Variants in UPRT observed in about 807,000 individuals in gnomAD.
The protein encoded by UPRT is RP11-311P8.3.
UPRT carries 5 observed loss-of-function variants against 22.6 expected under a neutral mutation model. The ratio of observed to expected loss-of-function variants is 0.22; its 90% CI spans 0.12 to 0.47. UPRT has a LOEUF of 0.47. Among genes scored for constraint, UPRT ranks in the 20% least tolerant of loss-of-function variants. UPRT has a pLI of 0.99. For synonymous variants in UPRT, 77 were observed against 87.7 expected, an observed-to-expected ratio of 0.88 and a Z score of 0.68; for missense variants, 181 against 239.9, an observed-to-expected ratio of 0.75 and a Z score of 1.62.
chrX:75,301,245 T>G (rs746463768), intron 6 of UPRT, among the ~76,000 whole-genome samples: 1 of 112,249 alleles, frequency 8.9e-6, no homozygotes, highest in African/African-American at 3.2e-5. Flanking sequence ...CAAAGGTTCC[T>G]ATTTCCCTTG....
chrX:75,217,110 A>G (rs2082395563), intron 4 of UPRT, among the ~76,000 whole-genome samples: 1 of 111,656 alleles, frequency 9.0e-6, no homozygotes, highest in South Asian at 3.8e-4. Context: ...GTCTGAGAAG[A>G]CCTGGTGTAT....
Position 75,264,552 on chromosome X carries a change from C to T in UPRT, c.-446-26472C>T, listed in dbSNP as rs771999619. On this transcript the variant is annotated intron_variant, in intron 4 of 13. Transcript: ENST00000652605. ...CAGAGACTAGGATTGCAACCCCTTC[C>T]TTTTTTTGTTTTCCATTTGCTTGGT... 1.5e-4 allele frequency among the ~76,000 whole-genome samples: 16 copies of T among 109,580 alleles called. 1 individual carries two copies. The South Asian group carries it at 6.1e-3, about 42-fold the overall frequency.
At chrX:75,276,627 T>C (rs372514755) in intron 1 of UPRT, among the ~76,000 whole-genome samples, 2 of 111,910 alleles carry the variant, frequency 1.8e-5, no homozygotes, top group East Asian at 5.6e-4. Flanking sequence ...GACTCCCTCG[T>C]ACCAGTAGAT....
intron 4 of UPRT, among the ~76,000 whole-genome samples, chrX:75,263,091 T>G (rs1156842642): frequency 8.9e-6 from 1 of 112,102 alleles, no homozygotes; most frequent in Non-Finnish European, 1.9e-5. Context: ...AGAACAGAAA[T>G]CATAACAAAC....
At chrX:75,289,399 A>G (rs954457693) in intron 1 of UPRT, among the ~76,000 whole-genome samples, 3 of 109,265 alleles carry the variant, frequency 2.7e-5, no homozygotes, top group Non-Finnish European at 5.7e-5. Context: ...TATAGATCCA[A>G]TGCTATTCCT....
At chrX:75,299,620 A>C in intron 4 of UPRT, 115 bp from the exon 5 acceptor site, 8 of 757,934 alleles carry the variant, frequency 1.1e-5, no homozygotes, top group South Asian at 3.8e-5. Flanking sequence ...CAAAATAATT[A>C]TTTTCATCTT....
intron 2 of UPRT, among the ~76,000 whole-genome samples, chrX:75,162,489 T>C (rs1254840991): frequency 9.4e-6 from 1 of 106,137 alleles, no homozygotes; most frequent in Non-Finnish European, 1.9e-5. Context: ...CAAGATATTC[T>C]AAAAGATGTT....
At chrX:75,252,435 G>T (rs934783110) in intron 4 of UPRT, among the ~76,000 whole-genome samples, 2 of 112,446 alleles carry the variant, frequency 1.8e-5, no homozygotes, top group Admixed American at 1.9e-4. Flanking sequence ...AAAAACACAT[G>T]AAAAAATGCT....
At chrX:75,258,240 C>CGCATGCCAGTAGCGCAT (rs1569276185) in intron 4 of UPRT, among the ~76,000 whole-genome samples, 3 of 87,785 alleles carry the variant, frequency 3.4e-5, no homozygotes, top group Non-Finnish European at 6.5e-5. Context: ...TTTTTCCATA[C>CGCATGCCAGTAGCGCAT]GCCAGTAGCG....
chrX:75,290,357 A>C, intron 1 of UPRT, among the ~76,000 whole-genome samples: 1 of 112,242 alleles, frequency 8.9e-6, no homozygotes, highest in Non-Finnish European at 1.9e-5. Flanking sequence ...TTTTGGTGAG[A>C]ATGTAAATTA....
intron 4 of UPRT, among the ~76,000 whole-genome samples, chrX:75,210,127 C>T (rs1343065335): frequency 8.9e-6 from 1 of 111,752 alleles, no homozygotes; most frequent in Admixed American, 9.5e-5. Flanking sequence ...TTATTTATGA[C>T]AGCTAGGAGG....
intron 4 of UPRT, among the ~76,000 whole-genome samples, chrX:75,232,616 G>A (rs2082442696): frequency 8.9e-6 from 1 of 112,343 alleles, no homozygotes; most frequent in Non-Finnish European, 1.9e-5. Context: ...CTCCTCAAGT[G>A]GGTCCCTGAC....
At chrX:75,297,747 G>C (rs1258886838) in intron 4 of UPRT, 194 bp downstream of exon 4, 1 of 459,394 alleles carries the variant, frequency 2.2e-6, no homozygotes, top group African/African-American at 2.5e-5. Flanking sequence ...TTTAACTACA[G>C]AGCGTATTCC....
At chrX:75,242,037 C>T (rs1339957470) in intron 4 of UPRT, among the ~76,000 whole-genome samples, 4 of 110,072 alleles carry the variant, frequency 3.6e-5, no homozygotes, top group Non-Finnish European at 7.6e-5. Flanking sequence ...ATCCATGTAA[C>T]CAAACACTAC....
At chrX:75,219,700 T>C (rs762738488) in intron 4 of UPRT, among the ~76,000 whole-genome samples, 19 of 110,918 alleles carry the variant, frequency 1.7e-4, no homozygotes, top group Non-Finnish European at 3.4e-4. Context: ...CACCCAACAC[T>C]GGAGCACCCA....
At chrX:75,287,080 A>G (rs1442864628) in intron 1 of UPRT, among the ~76,000 whole-genome samples, 1 of 111,065 alleles carries the variant, frequency 9.0e-6, no homozygotes, top group Non-Finnish European at 1.9e-5. Flanking sequence ...TTATATACTT[A>G]AGTCTTTGTA....
In UPRT at chrX:75,247,975, A is replaced by G. The variant is rs979964729; in HGVS notation, c.-446-43049A>G. Among the ~76,000 whole-genome samples, 3 of 111,943 alleles carry G rather than the reference A, an allele frequency of 2.7e-5. No homozygotes were observed. The Admixed American group carries it at 2.9e-4, about 11-fold the overall frequency. ...CCCAGGCAAACAGGGTTTGGAGTGG[A>G]CCTCCAGTAAACTCTGCAGCTGAGG... On this transcript the variant is annotated intron_variant, in intron 4 of 13. Transcript: ENST00000652605.
intron 1 of UPRT, among the ~76,000 whole-genome samples, chrX:75,278,090 A>G (rs866298505): frequency 2.4e-4 from 27 of 111,426 alleles, no homozygotes; most frequent in South Asian, 1.1e-3. Flanking sequence ...ATAAATGTGC[A>G]CTGTGGAACT....
intron 4 of UPRT, among the ~76,000 whole-genome samples, chrX:75,174,401 A>T (rs1315982322): frequency 9.0e-6 from 1 of 111,515 alleles, no homozygotes; most frequent in Non-Finnish European, 1.9e-5. Flanking sequence ...GATGGCCTCG[A>T]TTCTAGAGGA....
Sources: gnomAD v4.1 joint callset for allele counts (sites outside exome capture counted in the v4.1 genomes callset) on GRCh38, gnomAD v4.1.1 for gene constraint, MANE v1.5 for transcripts, NCBI Gene and HGNC (gene_info 2026-07-23, HGNC 2026-07-21) for gene names.